The following RAD51B variants were observed in gnomAD, a reference collection of about 807,000 sequenced individuals.
RAD51B encodes the protein RAD51 paralog B.
Under a neutral mutation model 42.2 loss-of-function variants are expected in RAD51B, and 38 were observed. That is an observed-to-expected ratio of 0.90 (90% confidence interval 0.70 to 1.18). The LOEUF is 1.18. Ranked by LOEUF, RAD51B falls within the 50% of genes most tolerant of loss-of-function variation. The pLI is 0.00. For synonymous variants in RAD51B, 154 were observed against 145.2 expected (o/e 1.06, Z -0.43); for missense variants, 373 against 400.7 (o/e 0.93, Z 0.59).
chr14:68,618,931 G>A (rs1330910350), intron 10 of RAD51B, among the ~76,000 whole-genome samples: 1 of 152,018 alleles, frequency 6.6e-6, no homozygotes, highest in Non-Finnish European at 1.5e-5. Context: ...TTTCCTCTAG[G>A]TCTTAGCCAC....
intron 8 of RAD51B, among the ~76,000 whole-genome samples, chr14:68,401,644 A>G (rs1566860265): frequency 6.6e-6 from 1 of 152,166 alleles, no homozygotes; most frequent in African/African-American, 2.4e-5. Flanking sequence ...GCCAAGAGAC[A>G]TCAGGAATGA....
rs149054589 is a variant in RAD51B, at chr14:68,128,434, C to G, written c.757-163450C>G. ...ATAGGCCAGGCACCAGTGGCTCACT[C>G]GTATAATCCCAGCACTTAGGCCAAG... is the stretch of plus-strand genomic sequence containing the variant. On this transcript the variant is annotated intron_variant, in intron 7 of 10. Coordinates refer to ENST00000471583, the MANE Select transcript of RAD51B (RefSeq NM_133510.4). 2.6e-4 allele frequency among the ~76,000 whole-genome samples: 39 copies of G among 152,282 alleles called. 1 individual carries two copies. In the East Asian group the frequency reaches 7.0e-3, roughly 27 times the overall value.
At chr14:68,078,811 G>A (rs1217360177) in intron 7 of RAD51B, among the ~76,000 whole-genome samples, 1 of 152,058 alleles carries the variant, frequency 6.6e-6, no homozygotes, top group Non-Finnish European at 1.5e-5. Context: ...GCAAAAGAGG[G>A]AGCCCCTGTC....
chr14:68,609,197 C>T (rs1195504942), intron 10 of RAD51B, among the ~76,000 whole-genome samples: 1 of 152,206 alleles, frequency 6.6e-6, no homozygotes, highest in Non-Finnish European at 1.5e-5. Context: ...GCCCCGAGGG[C>T]CCCTCATGGC....
chr14:68,181,638 C>T (rs1315922290), intron 7 of RAD51B, among the ~76,000 whole-genome samples: 1 of 152,150 alleles, frequency 6.6e-6, no homozygotes, highest in African/African-American at 2.4e-5. Context: ...TGCAGTGTCC[C>T]TCAGATGTAA....
chr14:67,835,572 T>C (rs1439806956), intron 4 of RAD51B, among the ~76,000 whole-genome samples: 2 of 135,268 alleles, frequency 1.5e-5, no homozygotes, highest in African/African-American at 5.4e-5. Flanking sequence ...TATATACACA[T>C]ATGTCATATA....
At chr14:68,668,607 A>T (rs760883300) in intron 11 of RAD51B, among the ~76,000 whole-genome samples, 8 of 152,166 alleles carry the variant, frequency 5.3e-5, no homozygotes, top group Non-Finnish European at 8.8e-5. Context: ...AGACATGGGG[A>T]TCTATTTGTC....
intron 10 of RAD51B, among the ~76,000 whole-genome samples, chr14:68,559,483 T>C (rs2842328): frequency 0.28 from 42,443 of 151,114 alleles, 6,166 homozygotes; most frequent in South Asian, 0.35. Flanking sequence ...CAGGTTCAAG[T>C]GACCCTCCTG....
At chr14:67,867,706 G>A (rs2042374093) in intron 5 of RAD51B, among the ~76,000 whole-genome samples, 1 of 152,236 alleles carries the variant, frequency 6.6e-6, no homozygotes, top group Admixed American at 6.5e-5. Context: ...CGAGGAAGAA[G>A]TGGAAATGGA....
chr14:68,070,970 T>C (rs1338754698), intron 7 of RAD51B, among the ~76,000 whole-genome samples: 1 of 152,200 alleles, frequency 6.6e-6, no homozygotes, highest in African/African-American at 2.4e-5. Flanking sequence ...AGCAGTGTTG[T>C]GTAATTCTTG....
intron 7 of RAD51B, among the ~76,000 whole-genome samples, chr14:68,146,719 T>C (rs527833656): frequency 2.6e-4 from 40 of 152,320 alleles, no homozygotes; most frequent in Non-Finnish European, 5.3e-4. Flanking sequence ...ACTTTGAGGC[T>C]CATATAATTT....
chr14:68,338,880 G>T (rs142149962), intron 8 of RAD51B: 2 of 636,264 alleles, frequency 3.1e-6, no homozygotes, highest in Admixed American at 1.8e-5. Context: ...CACCAGCTTA[G>T]CCAAAGCTCC....
At chr14:68,499,951 G>A (rs1484903715) in intron 10 of RAD51B, among the ~76,000 whole-genome samples, 1 of 152,190 alleles carries the variant, frequency 6.6e-6, no homozygotes, top group Non-Finnish European at 1.5e-5. Context: ...AACTAATGCA[G>A]TCAGGTTGCC....
At chr14:68,071,622 T>G (rs1417016563) in intron 7 of RAD51B, among the ~76,000 whole-genome samples, 1 of 152,204 alleles carries the variant, frequency 6.6e-6, no homozygotes, top group East Asian at 1.9e-4. Context: ...TTGATTGTGA[T>G]GGATTAGCTT....
chr14:68,301,592 G>GTTTTTTTTTTT, intron 8 of RAD51B, among the ~76,000 whole-genome samples: 1 of 109,778 alleles, frequency 9.1e-6, no homozygotes, highest in Non-Finnish European at 1.9e-5. Flanking sequence ...TTGTTTGTGT[G>GTTTTTTTTTTT]TTTTTTTTTT....
At chr14:68,072,058 T>TAA (rs2076750803) in intron 7 of RAD51B, among the ~76,000 whole-genome samples, 4 of 118,434 alleles carry the variant, frequency 3.4e-5, no homozygotes, top group Middle Eastern at 4.7e-3. Context: ...TATAATTATA[T>TAA]ATATTTATAT....
At chr14:67,976,178 G>A (rs1465027181) in intron 7 of RAD51B, among the ~76,000 whole-genome samples, 2 of 151,640 alleles carry the variant, frequency 1.3e-5, no homozygotes, top group African/African-American at 2.4e-5. Flanking sequence ...GTGCAGTGGC[G>A]TGATTATGGC....
At chr14:67,992,494 AG>A (rs2075311688) in intron 7 of RAD51B, among the ~76,000 whole-genome samples, 1 of 152,184 alleles carries the variant, frequency 6.6e-6, no homozygotes, top group Admixed American at 6.5e-5. Context: ...TTCATCAGAA[AG>A]GGGGTAAAAC....
At chr14:68,646,599 C>A (rs1200365082) in intron 10 of RAD51B, among the ~76,000 whole-genome samples, 1 of 152,180 alleles carries the variant, frequency 6.6e-6, no homozygotes, top group Non-Finnish European at 1.5e-5. Flanking sequence ...CTAGGTCTTT[C>A]ATGATTCTTC....
Sources: allele counts gnomAD v4.1 joint callset (sites outside exome capture counted in the v4.1 genomes callset), GRCh38; gene constraint gnomAD v4.1.1; transcripts MANE v1.5; gene names NCBI Gene and HGNC (gene_info 2026-07-23, HGNC 2026-07-21).